Variants in HERC3 observed in about 807,000 individuals in gnomAD.
HERC3 encodes probable E3 ubiquitin-protein ligase HERC3.
Under a neutral mutation model 129.9 loss-of-function variants are expected in HERC3, and 58 were observed. The observed-to-expected ratio is 0.45, with a 90% CI of 0.36 to 0.56. HERC3 has a LOEUF of 0.56. HERC3 is among the 20% of genes least tolerant of loss of function. The pLI, the probability that HERC3 is intolerant of heterozygous loss-of-function variation, is 0.00. For synonymous variants in HERC3, 430 were observed against 451.0 expected, an observed-to-expected ratio of 0.95 and a Z score of 0.59; for missense variants, 835 against 1,244.2, an observed-to-expected ratio of 0.67 and a Z score of 4.95.
chr4:88,600,680 G>A (rs1334973372), intron 2 of HERC3, among the ~76,000 whole-genome samples: 1 of 152,058 alleles, frequency 6.6e-6, no homozygotes, highest in Non-Finnish European at 1.5e-5. Context: ...TATTACTTTA[G>A]CTCTCTCCAG....
chr4:88,605,346 C>T (rs1053913169), intron 2 of HERC3, among the ~76,000 whole-genome samples: 4 of 151,970 alleles, frequency 2.6e-5, no homozygotes, highest in Admixed American at 6.5e-5. Flanking sequence ...ATTAGGGTAC[C>T]TAAAGGAGTT....
At chr4:88,551,998 A>G in the HERC3 span, among the ~76,000 whole-genome samples, 2 of 151,970 alleles carry the variant, frequency 1.3e-5, no homozygotes, top group African/African-American at 4.8e-5. Flanking sequence ...CATGGATGAA[A>G]TTGGAAATCA....
chr4:88,672,685 C>G (rs979375563), intron 16 of HERC3, among the ~76,000 whole-genome samples: 2 of 152,104 alleles, frequency 1.3e-5, no homozygotes, highest in African/African-American at 4.8e-5. Flanking sequence ...TGGCCATGGC[C>G]TTAGACAAGT....
At chr4:88,643,972 G>T (rs1486515568) in intron 3 of HERC3, among the ~76,000 whole-genome samples, 3 of 152,148 alleles carry the variant, frequency 2.0e-5, no homozygotes, top group Non-Finnish European at 4.4e-5. Context: ...AAATTGGCAA[G>T]AACTTCGAAC....
At chr4:88,705,887 A>C (rs2972032) in intron 25 of HERC3, among the ~76,000 whole-genome samples, 9,626 of 152,168 alleles carry the variant, frequency 0.063, 652 homozygotes, top group South Asian at 0.33. Flanking sequence ...CTTACACAAG[A>C]ATTCTTAAAA....
intron 23 of HERC3, among the ~76,000 whole-genome samples, chr4:88,688,940 C>T (rs907881757): frequency 6.6e-6 from 1 of 151,896 alleles, no homozygotes; most frequent in African/African-American, 2.4e-5. Context: ...AAGGAAAGAG[C>T]GGGTAGGGGG....
chr4:88,594,953 T>C (rs931184273), intron 1 of HERC3, among the ~76,000 whole-genome samples: 26 of 151,384 alleles, frequency 1.7e-4, no homozygotes, highest in African/African-American at 6.1e-4. Flanking sequence ...AATAGAAAAA[T>C]TAGCTGGGCG....
chr4:88,700,599 G>A, intron 23 of HERC3, among the ~76,000 whole-genome samples: 1 of 152,126 alleles, frequency 6.6e-6, no homozygotes, highest in South Asian at 2.1e-4. Flanking sequence ...AGGCACATCT[G>A]CGTTTTTAGG....
intron 3 of HERC3, among the ~76,000 whole-genome samples, chr4:88,622,806 G>A (rs1263525102): frequency 6.6e-6 from 1 of 152,056 alleles, no homozygotes; most frequent in African/African-American, 2.4e-5. Flanking sequence ...GTGTGTGTCT[G>A]TAATCCCAGC....
chr4:88,539,796 G>T, the HERC3 span, among the ~76,000 whole-genome samples: 1 of 152,128 alleles, frequency 6.6e-6, no homozygotes, highest in Non-Finnish European at 1.5e-5. Flanking sequence ...AGGAAAACAG[G>T]GTCTGGAGTG....
At chr4:88,686,550 G>T (rs1266034766) in intron 21 of HERC3, among the ~76,000 whole-genome samples, 186 bp from the exon 22 acceptor site, 1 of 152,124 alleles carries the variant, frequency 6.6e-6, no homozygotes, top group Non-Finnish European at 1.5e-5. Context: ...TGTTTTATAG[G>T]TCTAGTGCCA....
upstream of HERC3, chr4:88,592,287 C>G (rs975339630): frequency 6.6e-6 from 1 of 152,508 alleles, no homozygotes; most frequent in Non-Finnish European, 1.5e-5. Context: ...CCTGTCACCT[C>G]GGGCAGCCTG....
At chr4:88,695,600 T>A (rs1406951623) in intron 23 of HERC3, among the ~76,000 whole-genome samples, 4 of 152,226 alleles carry the variant, frequency 2.6e-5, no homozygotes, top group African/African-American at 9.6e-5. Context: ...GATGTAGTGA[T>A]GTCTCTTTCT....
At chr4:88,527,238 A>G in the HERC3 span, 7 of 146,554 alleles carry the variant, frequency 4.8e-5, no homozygotes, top group African/African-American at 1.8e-4. Context: ...ACTCTCTCTC[A>G]CTTTCTCTCT....
At chr4:88,589,371 G>A (rs140835217), upstream of HERC3, among the ~76,000 whole-genome samples, 1,346 of 152,302 alleles carry the variant, frequency 8.8e-3, 18 homozygotes, top group African/African-American at 0.03. Flanking sequence ...ACAGGGGCAT[G>A]AGCCTAGAAT....
the HERC3 span, among the ~76,000 whole-genome samples, chr4:88,562,171 C>T: frequency 6.6e-6 from 1 of 152,086 alleles, no homozygotes; most frequent in Non-Finnish European, 1.5e-5. Context: ...TATTGCCTGT[C>T]TTTTGGATGA....
intron 2 of HERC3, among the ~76,000 whole-genome samples, chr4:88,602,592 C>G (rs566685602): frequency 1.3e-5 from 2 of 152,042 alleles, no homozygotes; most frequent in African/African-American, 4.8e-5. Flanking sequence ...ATCCTCTCAC[C>G]CCAGCACCCC....
chr4:88,525,051 T>A, the HERC3 span: 3 of 152,174 alleles, frequency 2.0e-5, no homozygotes, highest in Non-Finnish European at 4.4e-5. Flanking sequence ...TATTTTTTGA[T>A]GTTCTTTGTT....
the HERC3 span, among the ~76,000 whole-genome samples, chr4:88,538,646 C>T: frequency 6.6e-6 from 1 of 151,534 alleles, no homozygotes; most frequent in Admixed American, 6.6e-5. Flanking sequence ...TGGGTTCACG[C>T]TATTCTCCTG....
Sources: allele counts gnomAD v4.1 joint callset (sites outside exome capture counted in the v4.1 genomes callset), GRCh38; gene constraint gnomAD v4.1.1; transcripts MANE v1.5; gene names NCBI Gene and HGNC (gene_info 2026-07-23, HGNC 2026-07-21).